TJP2: variants seen among roughly 807,000 people sequenced by gnomAD.
TJP2 encodes Friedreich ataxia region gene X104 (tight junction protein ZO-2).
In TJP2, 91 loss-of-function variants were observed where a neutral mutation model predicts 133.1. That is an observed-to-expected ratio of 0.68 (90% confidence interval 0.58 to 0.81). The LOEUF is 0.81. Among genes scored for constraint, TJP2 ranks in the 40% least tolerant of loss-of-function variants. TJP2 has a pLI of 0.00. For missense variants in TJP2, 1,541 were observed against 1,565.6 expected, an observed-to-expected ratio of 0.98 and a Z score of 0.26; for synonymous variants, 592 against 583.4, an observed-to-expected ratio of 1.01 and a Z score of -0.21.
chr9:69,133,458 C>T (rs1380177108), intron 1 of TJP2, among the ~76,000 whole-genome samples: 11 of 152,088 alleles, frequency 7.2e-5, no homozygotes, highest in Non-Finnish European at 7.4e-5. Context: ...CCCTTCAGCC[C>T]TGGGCTCATG....
chr9:69,248,945 T>G, intron 19 of TJP2: 29 of 988,650 alleles, frequency 2.9e-5, no homozygotes, highest in Non-Finnish European at 3.0e-5. Flanking sequence ...AGTAAATGAT[T>G]TTTTTCTTTA....
chr9:69,221,457 C>A lies in TJP2; in HGVS notation c.913C>A (p.Pro305Thr). The A allele has an allele frequency of 1.3e-6, 2 of 1,597,478 alleles. No individual in the cohort carries two copies. Among genetic ancestry groups the A allele is most frequent in the Non-Finnish European group, 1.7e-6 (2 of 1,171,892 alleles). ...PSPEPRGRPGPIGVLLMKSRA... is the reference protein window; with the variant it reads ...PSPEPRGRPGTIGVLLMKSRA... ...CCCCGAGCCTAGGGGGCGGCCGGGG[C>A]CCATCGGGGTCCTCCTGATGAAAAG... Residue 305 changes from proline (P) to threonine (T), a missense_variant, in exon 5 of 23, where the codon CCC becomes ACC. Pro to Thr is a conservative substitution (Grantham distance 38). Transcript: ENST00000377245.
chr9:69,150,758 CAG>C (rs1202023579), intron 1 of TJP2, among the ~76,000 whole-genome samples: 2 of 152,132 alleles, frequency 1.3e-5, no homozygotes, highest in Non-Finnish European at 1.5e-5. Context: ...AGACTGAAAA[CAG>C]GGGCAGCAAT....
At chr9:69,210,543 G>T (rs1201682392) in intron 1 of TJP2, among the ~76,000 whole-genome samples, 1 of 151,984 alleles carries the variant, frequency 6.6e-6, no homozygotes, top group Non-Finnish European at 1.5e-5. Flanking sequence ...TTAAGTAATT[G>T]GGGAGTTTTA....
At chr9:69,252,761 G>T in intron 21 of TJP2, 54 bp from the exon 22 acceptor site, 4 of 1,534,612 alleles carry the variant, frequency 2.6e-6, no homozygotes, top group Non-Finnish European at 2.7e-6. Flanking sequence ...AGCAAGCAGA[G>T]TGCCCAGTGG....
chr9:69,233,030 T>C (rs2133363318), intron 11 of TJP2, among the ~76,000 whole-genome samples: 1 of 152,324 alleles, frequency 6.6e-6, no homozygotes, highest in African/African-American at 2.4e-5. Context: ...TGTGAAAATA[T>C]ACATATGGCT....
intron 2 of TJP2, among the ~76,000 whole-genome samples, chr9:69,155,140 C>T (rs1347363540): frequency 1.4e-5 from 2 of 148,018 alleles, no homozygotes; most frequent in African/African-American, 5.0e-5. Context: ...ATCACTTGAA[C>T]CTGGTGGGCC....
At chr9:69,174,106 C>T, upstream of TJP2, 2 of 1,179,750 alleles carry the variant, frequency 1.7e-6, no homozygotes, top group Admixed American at 4.7e-5. Flanking sequence ...GAGCCCTTCC[C>T]CGGCAGGCGC....
Position 69,227,975 on chromosome 9 carries a change from A to G in TJP2, c.1320-6A>G, listed in dbSNP as rs1197847204. On this transcript the variant is annotated splice_polypyrimidine_tract_variant and splice_region_variant and intron_variant, in intron 8 of 22. Transcript: ENST00000377245. Reference sequence around the variant, plus strand: ...TTGAGACATTTACGTATGACATGTGATTCAGTTCCAGAGAGGACACGCCGA... The same window carrying G: ...TTGAGACATTTACGTATGACATGTGGTTCAGTTCCAGAGAGGACACGCCGA... 2.5e-6 allele frequency: 4 copies of G among 1,614,054 alleles called. No homozygotes were observed. The African/African-American group carries it at 5.3e-5, about 22-fold the overall frequency.
At chr9:69,137,248 T>C (rs1344658840) in intron 1 of TJP2, among the ~76,000 whole-genome samples, 2 of 21,340 alleles carry the variant, frequency 9.4e-5, no homozygotes, top group Non-Finnish European at 1.7e-4. Flanking sequence ...TTTCTCTCTC[T>C]CTTTCTTTCT....
intron 17 of TJP2, among the ~76,000 whole-genome samples, chr9:69,245,062 AAGT>A (rs1830829027): frequency 6.6e-6 from 1 of 152,204 alleles, no homozygotes; most frequent in Admixed American, 6.5e-5. Context: ...TTCTATTTTT[AAGT>A]ATCATATTTT....
At chr9:69,234,855 T>C (rs1830066645) in intron 12 of TJP2, among the ~76,000 whole-genome samples, 1 of 152,192 alleles carries the variant, frequency 6.6e-6, no homozygotes, top group African/African-American at 2.4e-5. Flanking sequence ...ACATACGACA[T>C]GTGCAAAGGC....
chr9:69,196,188 A>T (rs751075412), intron 1 of TJP2, among the ~76,000 whole-genome samples: 2 of 152,146 alleles, frequency 1.3e-5, no homozygotes, highest in Non-Finnish European at 2.9e-5. Flanking sequence ...AAGGCACAAT[A>T]GGTGTATAGT....
chr9:69,233,739 T>G (rs1434497337), intron 11 of TJP2, among the ~76,000 whole-genome samples: 1 of 152,046 alleles, frequency 6.6e-6, no homozygotes, highest in Non-Finnish European at 1.5e-5. Flanking sequence ...ATCGCGCCAT[T>G]GCACTCCAGC....
intron 2 of TJP2, among the ~76,000 whole-genome samples, chr9:69,164,819 C>A (rs370145067): frequency 9.3e-4 from 141 of 152,148 alleles, no homozygotes; most frequent in East Asian, 5.2e-3. Context: ...ATCTGACAGA[C>A]CTGGACCTGG....
At position 69,203,314 on chromosome 9, in the gene TJP2, A is replaced by G. The variant is rs549086279; in HGVS notation, c.61-9234A>G. Among the ~76,000 whole-genome samples the G allele has an allele frequency of 1.4e-3, 216 of 151,592 alleles. 1 individual carries two copies. Among genetic ancestry groups the G allele is most frequent in the Admixed American group, 2.3e-3 (35 of 15,236 alleles). On this transcript the variant is annotated intron_variant, in intron 1 of 22. Coordinates refer to ENST00000377245, the MANE Select transcript of TJP2 (RefSeq NM_004817.4). ...TTGTACCCATTTATTTATATAATAAATAATTTATTATTATTTTTTTGAGAC... is the reference window on the plus strand; with the variant it reads ...TTGTACCCATTTATTTATATAATAAGTAATTTATTATTATTTTTTTGAGAC...
Position 69,151,771 on chromosome 9 carries a change from G to A in TJP2, c.-10G>A, listed in dbSNP as rs374563251. ...TACCAGTACACGGCCCACGTTGCCA[G>A]GTATTTGCTTATTTAATCTCTCATC... On this transcript the variant is annotated splice_region_variant and 5_prime_UTR_variant, in exon 2 of 6. Transcript: ENST00000423935. 4.6e-4 allele frequency: 565 copies of A among 1,232,092 alleles called. 2 individuals are homozygous for A. In the African/African-American group the frequency reaches 7.9e-3, roughly 17 times the overall value. The allele number at this position is 1,232,092 out of a possible 1,614,324, so 76.3% of individuals were successfully genotyped here.
chr9:69,229,936 A>G (rs980615904), intron 10 of TJP2, 146 bp from the exon 11 acceptor site: 8 of 991,238 alleles, frequency 8.1e-6, no homozygotes, highest in African/African-American at 8.0e-5. Context: ...TGTAGGATAT[A>G]TGAGATAGAT....
intron 1 of TJP2, among the ~76,000 whole-genome samples, chr9:69,177,103 C>T (rs1181211883): frequency 6.6e-6 from 1 of 152,184 alleles, no homozygotes; most frequent in African/African-American, 2.4e-5. Context: ...GTTGTGGCTA[C>T]AGATGAATTT....
Sources: allele counts gnomAD v4.1 joint callset (sites outside exome capture counted in the v4.1 genomes callset), GRCh38; gene constraint gnomAD v4.1.1; transcripts MANE v1.5; gene names NCBI Gene and HGNC (gene_info 2026-07-23, HGNC 2026-07-21).